RBPJ: variants seen among roughly 807,000 people sequenced by gnomAD.
The protein encoded by RBPJ is recombining binding protein suppressor of hairless.
In RBPJ, 9 loss-of-function variants were observed where a neutral mutation model predicts 67.8. That is an observed-to-expected ratio of 0.13 (90% CI 0.08 to 0.23). The LOEUF is 0.23. RBPJ is among the 10% of genes least tolerant of loss of function. The probability of loss-of-function intolerance (pLI) is 1.00; values close to 1 mark genes in which losing one functional copy is unlikely to be tolerated. For missense variants in RBPJ, 305 were observed against 595.6 expected (o/e 0.51, Z 5.08); for synonymous variants, 198 against 203.3 (o/e 0.97, Z 0.22).
chr4:26,355,546 G>A (rs187259445), intron 1 of RBPJ, among the ~76,000 whole-genome samples: 47 of 151,514 alleles, frequency 3.1e-4, no homozygotes, highest in African/African-American at 1.1e-3. Flanking sequence ...CCACACAGGA[G>A]GATCCCTTGA....
the RBPJ span, among the ~76,000 whole-genome samples, chr4:26,137,844 T>G: frequency 6.6e-6 from 1 of 152,160 alleles, no homozygotes; most frequent in African/African-American, 2.4e-5. Flanking sequence ...GTCTCAGGAA[T>G]GCATATTGAC....
upstream of RBPJ, among the ~76,000 whole-genome samples, chr4:26,315,167 A>AAAAAAAATATATAT (rs1325689348): frequency 1.3e-4 from 10 of 74,762 alleles, no homozygotes; most frequent in African/African-American, 4.7e-4. Flanking sequence ...AAAAAAAAAA[A>AAAAAAAATATATAT]ATATATATAT....
chr4:26,207,814 A>G (rs531129486), intron 1 of RBPJ, among the ~76,000 whole-genome samples: 7 of 152,338 alleles, frequency 4.6e-5, no homozygotes, highest in African/African-American at 1.4e-4. Flanking sequence ...GGACACAGCA[A>G]TGGGATTCTG....
At chr4:26,412,852 G>A (rs1446982671) in intron 3 of RBPJ, 4 of 152,178 alleles carry the variant, frequency 2.6e-5, no homozygotes, top group Non-Finnish European at 5.9e-5. Context: ...TTAGAAGCCA[G>A]AAAGCTCCCC....
intron 2 of RBPJ, among the ~76,000 whole-genome samples, chr4:26,403,579 T>C (rs1443205133): frequency 6.6e-6 from 1 of 152,184 alleles, no homozygotes; most frequent in Non-Finnish European, 1.5e-5. Context: ...CATTTCCTTC[T>C]TTGTCTTCAT....
intron 1 of RBPJ, among the ~76,000 whole-genome samples, chr4:26,374,302 C>T (rs1276036129): frequency 6.6e-6 from 1 of 152,026 alleles, no homozygotes; most frequent in East Asian, 1.9e-4. Context: ...TTACTCTTTA[C>T]CCTTGCAAAA....
At chr4:26,290,418 T>C (rs1418668702) in intron 1 of RBPJ, among the ~76,000 whole-genome samples, 2 of 150,220 alleles carry the variant, frequency 1.3e-5, no homozygotes, top group Non-Finnish European at 3.0e-5. Flanking sequence ...AAGGATGAGA[T>C]GCCAATATGC....
At chr4:26,412,307 G>A (rs1016996877) in intron 3 of RBPJ, among the ~76,000 whole-genome samples, 5 of 152,102 alleles carry the variant, frequency 3.3e-5, no homozygotes, top group South Asian at 4.2e-4. Flanking sequence ...ATCTTGGCTC[G>A]CTGCAACCCC....
intron 1 of RBPJ, among the ~76,000 whole-genome samples, chr4:26,245,355 C>T (rs747498882): frequency 2.2e-4 from 33 of 152,044 alleles, no homozygotes; most frequent in Middle Eastern, 3.4e-3. Context: ...ACTACAGGCA[C>T]GTGCCACCAC....
In RBPJ at chr4:26,421,322, A is replaced by G. The variant is rs139461689; in HGVS notation, c.496+597A>G. ...ATGGAGACTTTTCTTTTTTTTTTTG[A>G]GATGGACTCTTACTCTGTCGCCCAG... On this transcript the variant is annotated intron_variant, in intron 5 of 10. Transcript: ENST00000355476. 6.1e-3 allele frequency among the ~76,000 whole-genome samples: 907 copies of G among 147,692 alleles called. 13 individuals are homozygous for G. Among genetic ancestry groups the G allele is most frequent in the African/African-American group, 0.022 (867 of 40,002 alleles).
the RBPJ span, among the ~76,000 whole-genome samples, chr4:26,122,137 C>A: frequency 1.3e-5 from 2 of 152,058 alleles, no homozygotes; most frequent in African/African-American, 4.8e-5. Flanking sequence ...CAAGCTCTGG[C>A]CTTCCAGCAG....
At chr4:26,201,821 C>A (rs1717990126) in intron 1 of RBPJ, among the ~76,000 whole-genome samples, 1 of 152,170 alleles carries the variant, frequency 6.6e-6, no homozygotes, top group Non-Finnish European at 1.5e-5. Context: ...TTTATTCTTG[C>A]CCCCTGAGTC....
chr4:26,261,006 C>T (rs906894740), intron 1 of RBPJ, among the ~76,000 whole-genome samples: 16 of 151,950 alleles, frequency 1.1e-4, no homozygotes, highest in Admixed American at 7.2e-4. Flanking sequence ...ACTCCCTAAA[C>T]GATGTAAGAC....
intron 1 of RBPJ, among the ~76,000 whole-genome samples, chr4:26,347,714 A>G (rs1338200860): frequency 1.3e-5 from 2 of 152,144 alleles, no homozygotes; most frequent in Non-Finnish European, 2.9e-5. Flanking sequence ...TAGGCTCGAT[A>G]GGTTTAGATG....
chr4:26,221,165 A>C (rs1718892495), intron 1 of RBPJ, among the ~76,000 whole-genome samples: 2 of 152,256 alleles, frequency 1.3e-5, no homozygotes, highest in South Asian at 4.1e-4. Context: ...ATCTCGGCTC[A>C]CTGCAACCTC....
At chr4:26,126,067 A>T in the RBPJ span, among the ~76,000 whole-genome samples, 4 of 150,768 alleles carry the variant, frequency 2.7e-5, no homozygotes, top group Non-Finnish European at 4.4e-5. Flanking sequence ...GAATTGCTTT[A>T]AAAAAAAAAT....
chr4:26,363,588 G>A (rs530694414), intron 1 of RBPJ, among the ~76,000 whole-genome samples: 84 of 152,070 alleles, frequency 5.5e-4, no homozygotes, highest in African/African-American at 1.9e-3. Context: ...ACAGGTGCCC[G>A]CCACCACGCC....
At chr4:26,148,144 GGA>G in the RBPJ span, among the ~76,000 whole-genome samples, 8 of 152,154 alleles carry the variant, frequency 5.3e-5, no homozygotes, top group African/African-American at 7.2e-5. Flanking sequence ...GGAACTTAAG[GGA>G]GAGAGAGTGG....
intron 1 of RBPJ, among the ~76,000 whole-genome samples, chr4:26,270,205 A>G (rs1402009652): frequency 1.3e-5 from 2 of 149,216 alleles, no homozygotes; most frequent in Non-Finnish European, 3.0e-5. Flanking sequence ...TCGCTTGACC[A>G]GGGAGGCAGA....
Sources: gnomAD v4.1 joint callset for allele counts (sites outside exome capture counted in the v4.1 genomes callset) on GRCh38, gnomAD v4.1.1 for gene constraint, MANE v1.5 for transcripts, NCBI Gene and HGNC (gene_info 2026-07-23, HGNC 2026-07-21) for gene names.